Variants in KLRG1 observed in about 807,000 individuals in gnomAD.
The protein encoded by KLRG1 is killer cell lectin-like receptor subfamily G member 1.
A neutral mutation model predicts 21.8 loss-of-function variants in KLRG1; 16 were observed. The observed-to-expected ratio is 0.73, with a 90% confidence interval of 0.50 to 1.11. The LOEUF is 1.11. KLRG1 is among the 50% of genes most tolerant of loss of function. The pLI, the probability that KLRG1 is intolerant of heterozygous loss-of-function variation, is 0.00. For missense variants in KLRG1, 173 were observed against 218.3 expected (o/e 0.79, Z 1.31); for synonymous variants, 69 against 75.9 (o/e 0.91, Z 0.47).
the KLRG1 span, chr12:9,157,368 A>C: frequency 6.2e-7 from 1 of 1,604,920 alleles, no homozygotes; most frequent in Non-Finnish European, 8.5e-7. Flanking sequence ...GTAAAGGCAA[A>C]ATGTGGTTGT....
chr12:9,201,011 G>C, the KLRG1 span: 1 of 1,614,104 alleles, frequency 6.2e-7, no homozygotes, highest in Non-Finnish European at 8.5e-7. Flanking sequence ...ATTGATGCCA[G>C]CTTCTAGCTT....
At chr12:9,015,610 A>T (rs1439350895), downstream of KLRG1, among the ~76,000 whole-genome samples, 3 of 152,036 alleles carry the variant, frequency 2.0e-5, no homozygotes, top group Non-Finnish European at 2.9e-5. Context: ...ATCCAGACAG[A>T]ACATCAACAA....
chr12:9,212,135 G>A, the KLRG1 span, among the ~76,000 whole-genome samples: 11 of 152,344 alleles, frequency 7.2e-5, no homozygotes, highest in East Asian at 1.9e-4. Context: ...AGAGAACCAA[G>A]TAACAGGGCT....
the KLRG1 span, chr12:9,112,070 T>G: frequency 1.6e-6 from 2 of 1,230,688 alleles, no homozygotes; most frequent in African/African-American, 3.0e-5. Flanking sequence ...ACCAGATTCT[T>G]CCTCTCCCTG....
chr12:9,157,194 A>G, the KLRG1 span: 1 of 1,613,664 alleles, frequency 6.2e-7, no homozygotes, highest in Non-Finnish European at 8.5e-7. Flanking sequence ...CAGCTTCCTT[A>G]TCAAGTGAGT....
At chr12:8,992,860 G>T (rs1947014911) in intron 2 of KLRG1, among the ~76,000 whole-genome samples, 1 of 151,976 alleles carries the variant, frequency 6.6e-6, no homozygotes, top group South Asian at 2.1e-4. Flanking sequence ...TAGAACTGCA[G>T]TCAAGTCCTC....
the KLRG1 span, among the ~76,000 whole-genome samples, chr12:9,197,890 A>G: frequency 8.0e-6 from 1 of 124,744 alleles, no homozygotes; most frequent in East Asian, 2.1e-4. Flanking sequence ...TATTAATAAT[A>G]TATAAATTAT....
the KLRG1 span, chr12:9,090,449 G>A: frequency 2.5e-6 from 4 of 1,613,946 alleles, no homozygotes; most frequent in Non-Finnish European, 3.4e-6. Flanking sequence ...GGGACAGCTA[G>A]GAAGGCGGGA....
the KLRG1 span, chr12:9,200,465 T>A: frequency 1.9e-6 from 3 of 1,558,896 alleles, no homozygotes; most frequent in Admixed American, 1.7e-5. Context: ...ATAGAGATAA[T>A]AGGAATAAGG....
the KLRG1 span, among the ~76,000 whole-genome samples, chr12:9,172,017 A>G: frequency 0.039 from 5,884 of 152,244 alleles, 395 homozygotes; most frequent in African/African-American, 0.13. Context: ...CCACAAGAAC[A>G]TCAACCCAAA....
chr12:8,972,632 T>C (rs1946590226), intron 1 of KLRG1, among the ~76,000 whole-genome samples: 1 of 152,188 alleles, frequency 6.6e-6, no homozygotes, highest in Non-Finnish European at 1.5e-5. Context: ...AATACGTGGA[T>C]TTGTTGTTGT....
chr12:9,192,211 G>A, the KLRG1 span: 5 of 1,613,826 alleles, frequency 3.1e-6, no homozygotes, highest in Middle Eastern at 1.6e-4. Context: ...GACTCCACAG[G>A]CAGAGTGTGG....
the KLRG1 span, chr12:9,200,559 T>A: frequency 3.5e-6 from 3 of 845,202 alleles, no homozygotes; most frequent in Non-Finnish European, 5.5e-6. Flanking sequence ...AATGTTAGAT[T>A]TACTTTCCAA....
chr12:9,202,329 C>T, the KLRG1 span: 13 of 1,613,862 alleles, frequency 8.1e-6, no homozygotes, highest in East Asian at 2.2e-5. Context: ...CAGTTCATTT[C>T]GAGGGCGAAA....
the KLRG1 span, among the ~76,000 whole-genome samples, chr12:9,174,845 A>G: frequency 0.046 from 6,971 of 152,334 alleles, 263 homozygotes; most frequent in Admixed American, 0.11. Flanking sequence ...TTCCATCCTC[A>G]CGCATAAGAA....
chr12:8,964,160 C>T (rs1475798341), intron 1 of KLRG1, among the ~76,000 whole-genome samples: 15 of 152,148 alleles, frequency 9.9e-5, no homozygotes, highest in Non-Finnish European at 4.4e-5. Context: ...CCTGCTTTCT[C>T]TTGTGGGCAT....
chr12:9,044,371 A>G, the KLRG1 span, among the ~76,000 whole-genome samples: 1 of 152,202 alleles, frequency 6.6e-6, no homozygotes, highest in Non-Finnish European at 1.5e-5. Flanking sequence ...TTACTCAAAA[A>G]AAGTACAAAC....
At chr12:8,999,147 C>T (rs1018153076) in intron 3 of KLRG1, among the ~76,000 whole-genome samples, 1 of 151,904 alleles carries the variant, frequency 6.6e-6, no homozygotes. Context: ...ATTATGGCAT[C>T]AGCCCTTGCT....
At chr12:9,027,587 G>A in the KLRG1 span, 2 of 914,694 alleles carry the variant, frequency 2.2e-6, no homozygotes, top group South Asian at 1.3e-5. Flanking sequence ...AGGCACCTTG[G>A]TTTCGTGGTT....
Sources: allele counts gnomAD v4.1 joint callset (sites outside exome capture counted in the v4.1 genomes callset), GRCh38; gene constraint gnomAD v4.1.1; transcripts MANE v1.5; gene names NCBI Gene and HGNC (gene_info 2026-07-23, HGNC 2026-07-21).